FANCC: variants seen among roughly 807,000 people sequenced by gnomAD.
FANCC encodes FA complementation group C.
A neutral mutation model predicts 71.3 loss-of-function variants in FANCC; 55 were observed. That is an observed-to-expected ratio of 0.77 (90% CI 0.62 to 0.97). FANCC has a LOEUF of 0.97. Ranked by LOEUF, FANCC falls within the 50% of genes least tolerant of loss-of-function variation. The pLI is 0.00. For missense variants in FANCC, 678 were observed against 670.9 expected, an observed-to-expected ratio of 1.01 and a Z score of -0.12; for synonymous variants, 275 against 244.9, an observed-to-expected ratio of 1.12 and a Z score of -1.15.
At chr9:95,204,527 G>T (rs1827999653) in intron 4 of FANCC, among the ~76,000 whole-genome samples, 1 of 152,108 alleles carries the variant, frequency 6.6e-6, no homozygotes, top group Non-Finnish European at 1.5e-5. Context: ...GGTTGGCCTT[G>T]GTGTCTTAAT....
intron 4 of FANCC, among the ~76,000 whole-genome samples, chr9:95,204,790 A>G (rs968420991): frequency 1.3e-5 from 2 of 152,194 alleles, no homozygotes; most frequent in African/African-American, 4.8e-5. Flanking sequence ...CAGCATCCTT[A>G]ACTTGTCCCA....
At chr9:95,299,641 G>A (rs979777656) in intron 1 of FANCC, among the ~76,000 whole-genome samples, 3 of 152,086 alleles carry the variant, frequency 2.0e-5, no homozygotes, top group East Asian at 3.9e-4. Flanking sequence ...AAGGAGGATC[G>A]CTTGAGTCCA....
chr9:95,307,391 A>T (rs1377226246), intron 1 of FANCC, among the ~76,000 whole-genome samples: 1 of 152,252 alleles, frequency 6.6e-6, no homozygotes, highest in East Asian at 1.9e-4. Context: ...AATCAACAGA[A>T]CAAAAAGCTC....
chr9:95,142,525 G>A (rs1828916891), intron 7 of FANCC: 1 of 152,212 alleles, frequency 6.6e-6, no homozygotes, highest in African/African-American at 2.4e-5. Flanking sequence ...CACATTTAGG[G>A]TGGAGTGGCT....
chr9:95,148,076 C>T (rs533628732), intron 7 of FANCC, among the ~76,000 whole-genome samples: 5 of 152,086 alleles, frequency 3.3e-5, no homozygotes, highest in African/African-American at 1.2e-4. Context: ...GAATCAGAGC[C>T]GAGACAGCCC....
At chr9:95,137,918 G>A (rs1370551310) in intron 7 of FANCC, among the ~76,000 whole-genome samples, 1 of 152,246 alleles carries the variant, frequency 6.6e-6, no homozygotes, top group Non-Finnish European at 1.5e-5. Context: ...GAGGAGTGGA[G>A]GTGAAGCCAG....
intron 4 of FANCC, among the ~76,000 whole-genome samples, chr9:95,232,115 G>A (rs1029446148): frequency 6.6e-6 from 1 of 152,172 alleles, no homozygotes; most frequent in African/African-American, 2.4e-5. Context: ...AAGGTGAAGG[G>A]GGAGCAGGCA....
intron 5 of FANCC, among the ~76,000 whole-genome samples, chr9:95,171,774 C>G (rs1202498975): frequency 1.3e-5 from 2 of 152,186 alleles, no homozygotes; most frequent in African/African-American, 2.4e-5. Flanking sequence ...CCAAACATCT[C>G]TGAGTGAATA....
intron 1 of FANCC, among the ~76,000 whole-genome samples, chr9:95,259,353 C>T (rs1831876258): frequency 6.6e-6 from 1 of 152,068 alleles, no homozygotes; most frequent in African/African-American, 2.4e-5. Flanking sequence ...AGATATAGGC[C>T]AATGGAACAG....
intron 11 of FANCC, among the ~76,000 whole-genome samples, chr9:95,116,374 T>C (rs527622594): frequency 4.6e-5 from 7 of 152,296 alleles, no homozygotes; most frequent in Non-Finnish European, 8.8e-5. Flanking sequence ...GAGAAGACAG[T>C]GTTAGGGGAT....
chr9:95,164,187 A>G (rs146761077), intron 6 of FANCC, among the ~76,000 whole-genome samples: 1 of 152,336 alleles, frequency 6.6e-6, no homozygotes, highest in African/African-American at 2.4e-5. Context: ...AGGATTATTA[A>G]CATATAAAAT....
At chr9:95,291,967 A>AAAAATATATAT (rs1441757988) in intron 1 of FANCC, among the ~76,000 whole-genome samples, 12 of 50,430 alleles carry the variant, frequency 2.4e-4, no homozygotes, top group South Asian at 8.5e-4. Flanking sequence ...AAAAAAAAAA[A>AAAAATATATAT]ATATATATAT....
At chr9:95,242,409 C>A (rs1402381818) in intron 3 of FANCC, among the ~76,000 whole-genome samples, 1 of 149,028 alleles carries the variant, frequency 6.7e-6, no homozygotes, top group Admixed American at 6.8e-5. Context: ...GGCATCCTTA[C>A]GCATGCAGCA....
intron 4 of FANCC, among the ~76,000 whole-genome samples, chr9:95,187,396 T>A (rs1826795488): frequency 6.6e-6 from 1 of 152,228 alleles, no homozygotes; most frequent in Non-Finnish European, 1.5e-5. Context: ...ATGCCTGTCC[T>A]GCATACATAC....
chr9:95,159,033 CT>C (rs112559084), intron 6 of FANCC, among the ~76,000 whole-genome samples: 228 of 147,232 alleles, frequency 1.5e-3, no homozygotes, highest in East Asian at 5.9e-3. Context: ...TTTTTTTGAC[CT>C]TTTTTTTTTT....
intron 10 of FANCC, among the ~76,000 whole-genome samples, chr9:95,122,044 G>C (rs2072928519): frequency 6.6e-6 from 1 of 151,788 alleles, no homozygotes; most frequent in African/African-American, 2.4e-5. Flanking sequence ...ATTTTTAGTA[G>C]AGACAGGGTT....
chr9:95,176,774 T>C (rs575057508), intron 4 of FANCC, among the ~76,000 whole-genome samples: 1 of 152,322 alleles, frequency 6.6e-6, no homozygotes, highest in Admixed American at 6.5e-5. Flanking sequence ...TGGAAAGTAA[T>C]GTAGTATGTA....
intron 8 of FANCC, among the ~76,000 whole-genome samples, chr9:95,129,114 G>A (rs908096257): frequency 6.6e-6 from 1 of 151,996 alleles, no homozygotes; most frequent in African/African-American, 2.4e-5. Flanking sequence ...TGTTGGCCAG[G>A]ATGGTCTCGA....
At chr9:95,166,452 G>T (rs1438552595) in intron 6 of FANCC, among the ~76,000 whole-genome samples, 2 of 151,994 alleles carry the variant, frequency 1.3e-5, no homozygotes, top group East Asian at 3.9e-4. Flanking sequence ...AACCTAACGA[G>T]ATAACTTCAA....
Sources: allele counts gnomAD v4.1 joint callset (sites outside exome capture counted in the v4.1 genomes callset), GRCh38; gene constraint gnomAD v4.1.1; transcripts MANE v1.5; gene names NCBI Gene and HGNC (gene_info 2026-07-23, HGNC 2026-07-21).